HS3ST1: variants seen among roughly 807,000 people sequenced by gnomAD.
HS3ST1 encodes heparan sulfate-glucosamine 3-sulfotransferase 1, also known as heparan sulfate glucosamine 3-O-sulfotransferase 1.
Under a neutral mutation model 20.7 loss-of-function variants are expected in HS3ST1, and 8 were observed. That is an observed-to-expected ratio of 0.39 (90% CI 0.23 to 0.70). The LOEUF (loss-of-function observed/expected upper bound fraction) is 0.70, where lower values mean the gene tolerates loss of function less well. Among genes scored for constraint, HS3ST1 ranks in the 30% least tolerant of loss-of-function variants. HS3ST1 has a pLI of 0.46. For missense variants in HS3ST1, 436 were observed against 423.4 expected (o/e 1.03, Z -0.26); for synonymous variants, 205 against 190.4 (o/e 1.08, Z -0.63).
At chr4:11,415,447 A>G (rs1718750088) in intron 1 of HS3ST1, among the ~76,000 whole-genome samples, 1 of 152,264 alleles carries the variant, frequency 6.6e-6, no homozygotes, top group Non-Finnish European at 1.5e-5. Context: ...ATAATTGCTC[A>G]ATAGTATTCA....
At chr4:11,400,268 A>G (rs1718287771) in intron 1 of HS3ST1, among the ~76,000 whole-genome samples, 155 bp from the exon 2 acceptor site, 1 of 152,202 alleles carries the variant, frequency 6.6e-6, no homozygotes, top group African/African-American at 2.4e-5. Flanking sequence ...CATTTTCTGC[A>G]AAAGTCCAGA....
chr4:11,411,110 T>C (rs1025282161), intron 1 of HS3ST1, among the ~76,000 whole-genome samples: 15 of 152,216 alleles, frequency 9.9e-5, no homozygotes, highest in Admixed American at 7.8e-4. Flanking sequence ...GTGCTCTTGG[T>C]TTATCATGAT....
chr4:11,432,397 C>T (rs1385750369), upstream of HS3ST1, among the ~76,000 whole-genome samples: 1 of 152,152 alleles, frequency 6.6e-6, no homozygotes, highest in African/African-American at 2.4e-5. Context: ...GTTAAAAATC[C>T]AATTTTAATA....
At chr4:11,402,561 CTGTA>C (rs1718353277) in intron 1 of HS3ST1, among the ~76,000 whole-genome samples, 1 of 152,074 alleles carries the variant, frequency 6.6e-6, no homozygotes, top group Non-Finnish European at 1.5e-5. Flanking sequence ...TTGAGTGTGT[CTGTA>C]TGTGTATGCA....
At position 11,399,122 on chromosome 4, in the gene HS3ST1, T is replaced by C. The variant is rs34719057; in HGVS notation, c.884A>G (p.Lys295Arg). Residue 295 changes from lysine (K) to arginine (R), a missense_variant, in exon 2 of 2, where the codon AAG (lysine) becomes AGG (arginine). By Grantham distance (26) the Lys-to-Arg change is conservative (BLOSUM62 2). Transcript: ENST00000002596. The surrounding 1 kb of genome is among the most constrained non-coding windows in gnomAD (Gnocchi z 5.1). Reference sequence around the variant, plus strand: ...TGTTCTGCCAACAAGCTCGAAGAACTTCTTATTTGGCTCATGAAAATATTC... The same window carrying C: ...TGTTCTGCCAACAAGCTCGAAGAACCTCTTATTTGGCTCATGAAAATATTC... ...LHEYFHEPNK[K>R]FFELVGRTFD... 5.4e-3 allele frequency: 8,695 copies of C among 1,613,852 alleles called. 386 individuals carry two copies. In the African/African-American group the frequency reaches 0.1, roughly 19 times the overall value.
At position 11,398,779 on chromosome 4, in the gene HS3ST1, A is replaced by G. The variant is rs1464675044; in HGVS notation, c.*303T>C. The G allele has an allele frequency of 4.7e-6, 1 of 214,914 alleles. No homozygotes were observed. The highest frequency in any genetic ancestry group is 9.0e-6 in the Non-Finnish European group (1 of 110,830). 13.3% of individuals were successfully genotyped at this position (214,914 alleles called of 1,614,324 possible). ...GTTGGGGGCAAGTTAATTATATTCA[A>G]AAAAACATAGCGTCTCCAGAAAAAA... On this transcript the variant is annotated 3_prime_UTR_variant, in exon 2 of 2. Transcript: ENST00000002596.
chr4:11,417,200 A>G (rs73220391), intron 1 of HS3ST1, among the ~76,000 whole-genome samples: 3,818 of 152,298 alleles, frequency 0.025, 58 homozygotes, highest in Non-Finnish European at 0.038. Flanking sequence ...TGTGTATTAA[A>G]CATTCTAAGT....
chr4:11,405,963 A>G (rs1315190191), intron 1 of HS3ST1, among the ~76,000 whole-genome samples: 3 of 152,232 alleles, frequency 2.0e-5, no homozygotes, highest in Non-Finnish European at 4.4e-5. Flanking sequence ...CATTTAATGA[A>G]TCTGGAACAG....
chr4:11,399,750 C>G lies in HS3ST1; in HGVS notation c.256G>C (p.Glu86Gln), dbSNP rs779505564. 1 of 1,613,802 alleles carries G rather than the reference C, an allele frequency of 6.2e-7. No individual in the cohort carries two copies. The change falls in exon 2 of 2, where the codon GAG (glutamate) becomes CAG (glutamine). Residue 86 changes from glutamate to glutamine, a missense_variant. By Grantham distance (29) the Glu-to-Gln change is conservative (BLOSUM62 2). Coordinates refer to ENST00000002596, the MANE Select transcript of HS3ST1 (RefSeq NM_005114.4). The surrounding 1 kb of genome is among the most constrained non-coding windows in gnomAD (Gnocchi z 5.1). ...TCCTCCCAGTCGAAGAAGTGGACCT[C>G]GTTCTCCGCGGCCGCCACGTCGGGG... ...LHPDVAAAEN[E>Q]VHFFDWEEHY... is the part of the protein sequence containing the mutation.
At chr4:11,426,453 A>T (rs370448943) in intron 1 of HS3ST1, among the ~76,000 whole-genome samples, 3 of 143,378 alleles carry the variant, frequency 2.1e-5, no homozygotes, top group African/African-American at 5.6e-5. Flanking sequence ...AGGGGGACCC[A>T]GGGGGGGGGC....
intron 1 of HS3ST1, among the ~76,000 whole-genome samples, chr4:11,422,567 A>G (rs991168432): frequency 1.3e-5 from 2 of 152,048 alleles, no homozygotes; most frequent in African/African-American, 4.8e-5. Context: ...TATTTATCTG[A>G]CTCCCATACT....
At chr4:11,427,202 C>G (rs998894134) in intron 1 of HS3ST1, among the ~76,000 whole-genome samples, 4 of 152,114 alleles carry the variant, frequency 2.6e-5, no homozygotes, top group Admixed American at 6.6e-5. Context: ...CGAGAACGCA[C>G]GGGTGGGAAT....
At chr4:11,432,416 A>G (rs1719222651), upstream of HS3ST1, among the ~76,000 whole-genome samples, 1 of 152,224 alleles carries the variant, frequency 6.6e-6, no homozygotes, top group African/African-American at 2.4e-5. Flanking sequence ...TAAACTTTCC[A>G]AGTCCTGATT....
At chr4:11,410,097 C>T (rs76895852) in intron 1 of HS3ST1, among the ~76,000 whole-genome samples, 1 of 152,120 alleles carries the variant, frequency 6.6e-6, no homozygotes, top group African/African-American at 2.4e-5. Flanking sequence ...AGAGCAATGC[C>T]TAAGGTCTAT....
At chr4:11,407,759 A>G (rs1004714547) in intron 1 of HS3ST1, among the ~76,000 whole-genome samples, 1 of 152,240 alleles carries the variant, frequency 6.6e-6, no homozygotes, top group Non-Finnish European at 1.5e-5. Context: ...ATGCATATGC[A>G]CGCAAGTCAC....
chr4:11,407,884 G>A (rs1033143991), intron 1 of HS3ST1, among the ~76,000 whole-genome samples: 11 of 152,216 alleles, frequency 7.2e-5, no homozygotes, highest in Middle Eastern at 3.2e-3. Context: ...ATAGTCTTTG[G>A]CATGGCTAGG....
Position 11,399,583 on chromosome 4 carries a change from C to T in HS3ST1, c.423G>A (p.Arg141=), listed in dbSNP as rs769864503. ...ACGGGTCTCGCAGGATGAGCAGCAGCCGGATGGACGGGTTCATGCTGTAGA... is the reference window on the plus strand; with the variant it reads ...ACGGGTCTCGCAGGATGAGCAGCAGTCGGATGGACGGGTTCATGCTGTAGA... ...ERVYSMNPSI[R]LLLILRDPSE... The change falls in exon 2 of 2, where the codon CGG becomes CGA. Residue 141 remains arginine (R), a synonymous_variant. Transcript: ENST00000002596. This position sits in a 1 kb window ranked among gnomAD's most constrained non-coding sequence, Gnocchi z 5.1. 6.2e-6 allele frequency: 10 copies of T among 1,613,740 alleles called. No homozygotes were observed. In the South Asian group the frequency reaches 8.8e-5, roughly 14 times the overall value.
upstream of HS3ST1, among the ~76,000 whole-genome samples, chr4:11,433,093 TTA>T (rs538617791): frequency 1.2e-4 from 18 of 152,364 alleles, no homozygotes; most frequent in East Asian, 3.5e-3. Flanking sequence ...CAAGTTAAAA[TTA>T]TATCTTATGA....
intron 1 of HS3ST1, among the ~76,000 whole-genome samples, chr4:11,419,346 TGA>T (rs1718865731): frequency 6.6e-6 from 1 of 152,104 alleles, no homozygotes; most frequent in African/African-American, 2.4e-5. Flanking sequence ...GGCAAAAAAC[TGA>T]GACACTCTCC....
Sources: gnomAD v4.1 joint callset for allele counts (sites outside exome capture counted in the v4.1 genomes callset) on GRCh38, gnomAD v4.1.1 for gene constraint, Gnocchi (gnomAD v3.1) non-coding constraint, MANE v1.5 for transcripts, NCBI Gene and HGNC (gene_info 2026-07-23, HGNC 2026-07-21) for gene names.